AGBL4: variants seen among roughly 807,000 people sequenced by gnomAD.
AGBL4 encodes the protein cytosolic carboxypeptidase 6.
In AGBL4, 58 loss-of-function variants were observed where a neutral mutation model predicts 66.4. The ratio of observed to expected loss-of-function variants is 0.87; its 90% CI spans 0.71 to 1.09. AGBL4 has a LOEUF of 1.09. Among genes scored for constraint, AGBL4 ranks in the 50% least tolerant of loss-of-function variants. The pLI is 0.00. For missense variants in AGBL4, 579 were observed against 631.0 expected (o/e 0.92, Z 0.88); for synonymous variants, 234 against 222.9 (o/e 1.05, Z -0.44).
At chr1:49,660,640 A>T (rs1470412578) in intron 3 of AGBL4, among the ~76,000 whole-genome samples, 1 of 152,218 alleles carries the variant, frequency 6.6e-6, no homozygotes, top group African/African-American at 2.4e-5. Flanking sequence ...TATTACAAAG[A>T]TATATGCACA....
At chr1:49,833,309 T>A (rs1406292381) in intron 2 of AGBL4, among the ~76,000 whole-genome samples, 3 of 151,216 alleles carry the variant, frequency 2.0e-5, no homozygotes, top group Non-Finnish European at 3.0e-5. Flanking sequence ...GTTGTAGATA[T>A]GCGGCGTTAT....
chr1:49,349,373 A>G (rs1645702514), intron 3 of AGBL4, among the ~76,000 whole-genome samples: 5 of 152,190 alleles, frequency 3.3e-5, no homozygotes. Context: ...AAAGAACTAA[A>G]TTATGGGACT....
intron 3 of AGBL4, among the ~76,000 whole-genome samples, chr1:49,495,467 G>A (rs893434310): frequency 2.0e-5 from 3 of 151,816 alleles, no homozygotes; most frequent in African/African-American, 7.3e-5. Flanking sequence ...AGATTAGACA[G>A]CCCTGTCTTA....
chr1:49,130,949 C>CA (rs1264502443), intron 4 of AGBL4, among the ~76,000 whole-genome samples: 2 of 151,866 alleles, frequency 1.3e-5, no homozygotes, highest in African/African-American at 4.8e-5. Context: ...TGTATGCCTT[C>CA]AAAAAATCTT....
At position 48,684,740 on chromosome 1, in the gene AGBL4, A is replaced by G. The variant is rs186951843; in HGVS notation, c.635-21499T>C. 4.9e-3 allele frequency among the ~76,000 whole-genome samples: 747 copies of G among 152,316 alleles called. 6 individuals are homozygous for G. Among genetic ancestry groups the G allele is most frequent in the African/African-American group, 0.017 (719 of 41,564 alleles). ...CTTTTTTTTTTCTTTATAGAATGCCAATCAGAAAACAAACTTTGAGATCCT... is the reference window on the plus strand; with the variant it reads ...CTTTTTTTTTTCTTTATAGAATGCCGATCAGAAAACAAACTTTGAGATCCT... On this transcript the variant is annotated intron_variant, in intron 6 of 13. Transcript: ENST00000371839.
intron 5 of AGBL4, among the ~76,000 whole-genome samples, chr1:49,008,109 A>G (rs1322697807): frequency 6.6e-6 from 1 of 152,146 alleles, no homozygotes; most frequent in Non-Finnish European, 1.5e-5. Context: ...AAGACCCATC[A>G]GTGTGCTGTA....
At chr1:49,138,261 C>T (rs151089398) in intron 4 of AGBL4, among the ~76,000 whole-genome samples, 27 of 152,062 alleles carry the variant, frequency 1.8e-4, no homozygotes, top group African/African-American at 2.9e-4. Flanking sequence ...TTTAAGGAGA[C>T]GGTAGAGGAA....
intron 2 of AGBL4, among the ~76,000 whole-genome samples, chr1:49,848,158 T>C (rs1221844201): frequency 2.0e-5 from 3 of 152,242 alleles, no homozygotes; most frequent in African/African-American, 4.8e-5. Flanking sequence ...GCTTATCAAC[T>C]GTTGGTGGGA....
chr1:48,578,637 C>A (rs566662283), intron 11 of AGBL4, among the ~76,000 whole-genome samples: 2 of 152,182 alleles, frequency 1.3e-5, no homozygotes, highest in African/African-American at 2.4e-5. Context: ...CAGTACCCAT[C>A]CCCAACCACA....
At chr1:48,739,795 A>G (rs1649632231) in intron 6 of AGBL4, among the ~76,000 whole-genome samples, 1 of 152,220 alleles carries the variant, frequency 6.6e-6, no homozygotes, top group South Asian at 2.1e-4. Flanking sequence ...TCTCTTGTCC[A>G]GGAATAAATG....
intron 11 of AGBL4, among the ~76,000 whole-genome samples, chr1:48,577,570 T>C (rs906317632): frequency 3.6e-4 from 54 of 152,046 alleles, no homozygotes; most frequent in Admixed American, 2.7e-3. Context: ...GGGAAGGTAA[T>C]AATGTTTAGG....
At chr1:48,562,952 G>A (rs1489315404) in intron 11 of AGBL4, among the ~76,000 whole-genome samples, 1 of 152,192 alleles carries the variant, frequency 6.6e-6, no homozygotes, top group Non-Finnish European at 1.5e-5. Flanking sequence ...CAAATTCCTT[G>A]TGTTAGTCTT....
chr1:49,752,643 A>G (rs1651566323), intron 2 of AGBL4, among the ~76,000 whole-genome samples: 1 of 151,982 alleles, frequency 6.6e-6, no homozygotes, highest in African/African-American at 2.4e-5. Flanking sequence ...TTCTGTCCCC[A>G]TCTGTCTGAT....
chr1:49,859,896 G>A (rs1646526848), intron 1 of AGBL4, among the ~76,000 whole-genome samples: 1 of 151,894 alleles, frequency 6.6e-6, no homozygotes, highest in Non-Finnish European at 1.5e-5. Context: ...AAGATTAAAG[G>A]ACAAAAAGTC....
In AGBL4 at chr1:49,697,418, G is replaced by A; in HGVS notation, c.177C>T (p.Asp59=). 1 of 1,526,006 alleles carries A rather than the reference G, an allele frequency of 6.6e-7. No homozygotes were observed. The highest frequency in any genetic ancestry group is 8.9e-7 in the Non-Finnish European group (1 of 1,127,204). The allele number at this position is 1,526,006 out of a possible 1,614,324, so 94.5% of individuals were successfully genotyped here. ...GATCATACTCAAACTCAGAGACCTG[G>A]TCCACCCGGCCCAGGTTACCTGGTA... is the stretch of plus-strand genomic sequence containing the variant. ...CFESGNLGRV[D]QVSEFEYDLF... The change falls in exon 3 of 14, where the codon GAC becomes GAT. Residue 59 remains aspartate, a synonymous_variant. Coordinates refer to ENST00000371839, the MANE Select transcript of AGBL4 (RefSeq NM_032785.4).
intron 9 of AGBL4, among the ~76,000 whole-genome samples, chr1:48,605,334 T>C (rs1399643014): frequency 6.6e-6 from 1 of 152,204 alleles, no homozygotes. Context: ...TCTCTGCTGA[T>C]AGGCAATCTA....
chr1:49,976,293 A>G (rs1283149039), intron 1 of AGBL4, among the ~76,000 whole-genome samples: 2 of 151,952 alleles, frequency 1.3e-5, no homozygotes, highest in Non-Finnish European at 2.9e-5. Context: ...ACTTTTTTCA[A>G]TGTATTTGGT....
chr1:49,254,516 G>A (rs1322873347), intron 3 of AGBL4, among the ~76,000 whole-genome samples: 1 of 152,272 alleles, frequency 6.6e-6, no homozygotes, highest in Non-Finnish European at 1.5e-5. Flanking sequence ...AATATAAAAT[G>A]ACATGAACAA....
intron 6 of AGBL4, among the ~76,000 whole-genome samples, chr1:48,846,890 T>C (rs1360449405): frequency 1.3e-5 from 2 of 152,190 alleles, no homozygotes; most frequent in Non-Finnish European, 2.9e-5. Flanking sequence ...CCTAAAGTAT[T>C]ACCCAACCTT....
Sources: gnomAD v4.1 joint callset for allele counts (sites outside exome capture counted in the v4.1 genomes callset) on GRCh38, gnomAD v4.1.1 for gene constraint, MANE v1.5 for transcripts, NCBI Gene and HGNC (gene_info 2026-07-23, HGNC 2026-07-21) for gene names.